PIK3R1: variants seen among roughly 807,000 people sequenced by gnomAD.
PIK3R1 encodes the protein phosphoinositide-3-kinase regulatory subunit 1, also known as phosphatidylinositol 3-kinase regulatory subunit alpha.
PIK3R1 carries 29 observed loss-of-function variants against 98.0 expected under a neutral mutation model. The ratio of observed to expected loss-of-function variants is 0.30; its 90% CI spans 0.22 to 0.40. PIK3R1 has a LOEUF of 0.40. PIK3R1 is among the 10% of genes least tolerant of loss of function. The probability of loss-of-function intolerance (pLI) is 1.00; values close to 1 mark genes in which losing one functional copy is unlikely to be tolerated. For missense variants in PIK3R1, 596 were observed against 872.7 expected (o/e 0.68, Z 3.99); for synonymous variants, 282 against 311.8 (o/e 0.90, Z 1.01).
chr5:68,297,451 A>C lies in PIK3R1; in HGVS notation c.2025A>C (p.Thr675=), dbSNP rs745392281. Residue 675 remains threonine (T), a synonymous_variant, in exon 16 of 16, where the codon ACA becomes ACC. Coordinates refer to ENST00000521381, the MANE Select transcript of PIK3R1 (RefSeq NM_181523.3). ...GEVKHCVINK[T]ATGYGFAEPY... is the part of the protein sequence containing the mutation. ...TAAAGCATTGTGTCATAAACAAAAC[A>C]GCAACTGGCTATGGCTTTGCCGAGC... 3.7e-6 allele frequency: 6 copies of C among 1,614,196 alleles called. No homozygotes were observed. Among genetic ancestry groups the C allele is most frequent in the Non-Finnish European group, 5.1e-6 (6 of 1,179,994 alleles).
At chr5:68,245,758 A>G (rs2112043524) in intron 2 of PIK3R1, among the ~76,000 whole-genome samples, 1 of 152,356 alleles carries the variant, frequency 6.6e-6, no homozygotes, top group East Asian at 1.9e-4. Context: ...AGGAATTGAA[A>G]TTGTTTAGCC....
chr5:68,278,186 C>G lies in PIK3R1; in HGVS notation c.503-1416C>G, dbSNP rs566129642. ...GGGTGGTATTGATTAGTTTTACCCC[C>G]ATTATTGGATTGCTTGACCTGTTTC... is the stretch of plus-strand genomic sequence containing the variant. On this transcript the variant is annotated intron_variant, in intron 4 of 15. Coordinates refer to ENST00000521381, the MANE Select transcript of PIK3R1 (RefSeq NM_181523.3). 1.4e-4 allele frequency among the ~76,000 whole-genome samples: 21 copies of G among 152,108 alleles called. No homozygotes were observed. In the South Asian group the frequency reaches 4.4e-3, roughly 32 times the overall value.
At chr5:68,247,087 T>C (rs1457653996) in intron 2 of PIK3R1, among the ~76,000 whole-genome samples, 2 of 152,220 alleles carry the variant, frequency 1.3e-5, no homozygotes, top group South Asian at 2.1e-4. Context: ...TAGAATTCTT[T>C]CAGCGGTGCT....
intron 2 of PIK3R1, among the ~76,000 whole-genome samples, chr5:68,235,872 A>ATTTTTTTTT (rs56930555): frequency 2.7e-5 from 4 of 146,640 alleles, no homozygotes; most frequent in Non-Finnish European, 1.5e-5. Context: ...TCTGCCAGGC[A>ATTTTTTTTT]TTTTTTTTTT....
intron 1 of PIK3R1, among the ~76,000 whole-genome samples, chr5:68,219,849 G>A (rs1196596705): frequency 1.3e-5 from 2 of 152,176 alleles, no homozygotes; most frequent in Admixed American, 6.5e-5. Context: ...AGAAATAATA[G>A]TAATATAATA....
At chr5:68,227,077 T>A (rs1331023131) in intron 2 of PIK3R1, 68 bp downstream of exon 2, 3 of 1,420,908 alleles carry the variant, frequency 2.1e-6, no homozygotes, top group Non-Finnish European at 2.9e-6. Context: ...GTCTTAAGTT[T>A]GGGTTGAGTC....
At chr5:68,297,235 A>G (rs1747771952) in intron 15 of PIK3R1, among the ~76,000 whole-genome samples, 177 bp from the exon 16 acceptor site, 1 of 152,222 alleles carries the variant, frequency 6.6e-6, no homozygotes, top group South Asian at 2.1e-4. Context: ...ATGAAAATAC[A>G]GTCAGTCAGT....
rs531173239 is a variant in PIK3R1, at chr5:68,298,434, T to C, written c.*833T>C. The C allele has an allele frequency of 1.7e-5, 4 of 233,300 alleles. No individual in the cohort carries two copies. The highest frequency in any genetic ancestry group is 3.4e-5 in the Non-Finnish European group (4 of 117,896). The allele number at this position is 233,300 out of a possible 1,614,324, so 14.5% of individuals were successfully genotyped here. A position where few individuals can be genotyped will look rare whatever the true frequency, so the allele number is the denominator to read the frequency against. On this transcript the variant is annotated 3_prime_UTR_variant, in exon 16 of 16. Transcript: ENST00000521381. Reference sequence around the variant, plus strand: ...GCAATTCTTAATTTTCATTAAGTTGTTATTTCAGTTTTAAATGTACCTTCA... The same window carrying C: ...GCAATTCTTAATTTTCATTAAGTTGCTATTTCAGTTTTAAATGTACCTTCA...
intron 7 of PIK3R1, chr5:68,288,776 TTC>T (rs1747216653): frequency 7.3e-7 from 1 of 1,373,266 alleles, no homozygotes; most frequent in Admixed American, 1.7e-5. Context: ...ATTTGTGCAC[TTC>T]TCTGTTCCTT....
chr5:68,270,622 A>T (rs775386499), intron 2 of PIK3R1, among the ~76,000 whole-genome samples: 2 of 152,198 alleles, frequency 1.3e-5, no homozygotes, highest in Non-Finnish European at 2.9e-5. Flanking sequence ...ATATGTATTT[A>T]CTATTTAATC....
intron 2 of PIK3R1, among the ~76,000 whole-genome samples, chr5:68,262,522 A>G (rs1255482218): frequency 2.4e-5 from 2 of 83,596 alleles, no homozygotes; most frequent in East Asian, 2.9e-4. Flanking sequence ...ATACATATAG[A>G]TACATAGCTA....
At chr5:68,236,549 C>G (rs1489101635) in intron 2 of PIK3R1, among the ~76,000 whole-genome samples, 1 of 152,104 alleles carries the variant, frequency 6.6e-6, no homozygotes, top group African/African-American at 2.4e-5. Context: ...ACGCCTGGCC[C>G]TATAACCGTT....
chr5:68,239,962 A>G (rs1250035258), intron 2 of PIK3R1: 2 of 490,274 alleles, frequency 4.1e-6, no homozygotes, highest in Non-Finnish European at 8.1e-6. Flanking sequence ...AGGGCAGTTC[A>G]TTCCTCCTGC....
intron 8 of PIK3R1, 51 bp from the exon 9 acceptor site, chr5:68,293,050 T>C (rs747829093): frequency 7.0e-7 from 1 of 1,423,980 alleles, no homozygotes; most frequent in Non-Finnish European, 9.9e-7. Context: ...AAAATATAAA[T>C]CTGTGGTCAC....
intron 2 of PIK3R1, among the ~76,000 whole-genome samples, chr5:68,234,040 G>A (rs77883164): frequency 9.3e-4 from 142 of 152,298 alleles, no homozygotes; most frequent in African/African-American, 3.3e-3. Context: ...TGCAGGAGAC[G>A]TAATTTGATG....
At chr5:68,292,475 G>A (rs1281505527) in intron 8 of PIK3R1, 114 bp downstream of exon 8, 1 of 1,447,220 alleles carries the variant, frequency 6.9e-7, no homozygotes, top group Middle Eastern at 1.7e-4. Context: ...AAGCATAGTT[G>A]GTTCTCTTCC....
Position 68,296,190 on chromosome 5 carries a change from G to A in PIK3R1, c.1834G>A (p.Asp612Asn), listed in dbSNP as rs1323861938. ...GCCTAGCCAATATTCACTGGTGGAA[G>A]ATGATGAAGATTTGCCCCATCATGA... ...NTEDQYSLVE[D>N]DEDLPHHDEK... The change falls in exon 15 of 16, where the codon GAT becomes AAT. Residue 612 changes from aspartate to asparagine, a missense_variant. Around this residue, in one of 3 missense-constraint regions of PIK3R1, gnomAD observed 207 missense variants for 361.4 expected, o/e 0.57. Transcript: ENST00000521381. The A allele has an allele frequency of 3.1e-6, 5 of 1,614,056 alleles. No individual in the cohort carries two copies. Among genetic ancestry groups the A allele is most frequent in the Non-Finnish European group, 4.2e-6 (5 of 1,180,020 alleles).
rs189507414 is a variant in PIK3R1 at position 68,216,738 on chromosome 5, T to A, written c.-387+789T>A. Among the ~76,000 whole-genome samples, 193 of 57,680 alleles carry A rather than the reference T, an allele frequency of 3.3e-3. 2 individuals are homozygous for A. The highest frequency in any genetic ancestry group is 0.027 in the East Asian group (28 of 1,020). 37.8% of individuals were successfully genotyped at this position (57,680 alleles called of 152,430 possible). A position where few individuals can be genotyped will look rare whatever the true frequency, so the allele number is the denominator to read the frequency against. ...AGCCAGGGAGCCTGCAACCCGGAGCTAAAATATCGTGGGCAATTCTCTGGA... is the reference window on the plus strand; with the variant it reads ...AGCCAGGGAGCCTGCAACCCGGAGCAAAAATATCGTGGGCAATTCTCTGGA... On this transcript the variant is annotated intron_variant, in intron 1 of 15. Coordinates refer to ENST00000521381, the MANE Select transcript of PIK3R1 (RefSeq NM_181523.3).
At chr5:68,266,539 A>G (rs942645914) in intron 2 of PIK3R1, among the ~76,000 whole-genome samples, 1 of 152,252 alleles carries the variant, frequency 6.6e-6, no homozygotes, top group Non-Finnish European at 1.5e-5. Flanking sequence ...TAACTTGAGC[A>G]TAATCAGAAA....
Sources: allele counts gnomAD v4.1 joint callset (sites outside exome capture counted in the v4.1 genomes callset), GRCh38; gene constraint gnomAD v4.1.1; regional missense constraint gnomAD v4.1.1; transcripts MANE v1.5; gene names NCBI Gene and HGNC (gene_info 2026-07-23, HGNC 2026-07-21).